The following TAF3 variants were observed in gnomAD, a reference collection of about 807,000 sequenced individuals.
TAF3 encodes the protein TATA-box binding protein associated factor 3, also known as transcription initiation factor TFIID subunit 3.
A neutral mutation model predicts 80.6 loss-of-function variants in TAF3; 7 were observed. That is an observed-to-expected ratio of 0.09 (90% CI 0.05 to 0.16). The LOEUF (loss-of-function observed/expected upper bound fraction) is 0.16, where lower values mean the gene tolerates loss of function less well. Among genes scored for constraint, TAF3 ranks in the 10% least tolerant of loss-of-function variants. TAF3 has a pLI of 1.00. For missense variants in TAF3, 921 were observed against 1,140.2 expected, an observed-to-expected ratio of 0.81 and a Z score of 2.77; for synonymous variants, 444 against 446.1, an observed-to-expected ratio of 1.00 and a Z score of 0.06.
chr10:7,967,805 T>G (rs1236869708), intron 3 of TAF3, among the ~76,000 whole-genome samples: 1 of 152,188 alleles, frequency 6.6e-6, no homozygotes, highest in Non-Finnish European at 1.5e-5. Context: ...TGCTGCTCCA[T>G]TGGACCATAT....
rs752982972 is a variant in TAF3, at chr10:8,013,816, A to G, written c.2654A>G (p.Asp885Gly). 6.2e-6 allele frequency: 10 copies of G among 1,614,002 alleles called. No homozygotes were observed. In the African/African-American group the frequency reaches 1.3e-4, roughly 22 times the overall value. The change falls in exon 6 of 7, where the codon GAC becomes GGC. Residue 885 changes from aspartate to glycine, a missense_variant. Asp to Gly is a moderately conservative substitution (Grantham distance 94, BLOSUM62 -1). This residue lies in a region of TAF3 where 5 missense variants were observed against 44.3 expected (regional missense o/e 0.11). Coordinates refer to ENST00000344293, the MANE Select transcript of TAF3 (RefSeq NM_031923.4). The part of the protein sequence containing the change: ...DDGSPMIGCD[D>G]CDDWYHWPCV... Reference sequence around the variant, plus strand: ...GGGAGTCCCATGATTGGGTGTGACGACTGCGATGACTGGTACCACTGGTGA... The same window carrying G: ...GGGAGTCCCATGATTGGGTGTGACGGCTGCGATGACTGGTACCACTGGTGA...
At chr10:7,835,744 T>C (rs988830032) in intron 2 of TAF3, among the ~76,000 whole-genome samples, 1 of 152,210 alleles carries the variant, frequency 6.6e-6, no homozygotes, top group Non-Finnish European at 1.5e-5. Flanking sequence ...TTTTGGGGTT[T>C]TCCTGTTTCA....
intron 4 of TAF3, among the ~76,000 whole-genome samples, chr10:7,984,166 G>T (rs1312572786): frequency 6.6e-6 from 1 of 151,898 alleles, no homozygotes; most frequent in African/African-American, 2.4e-5. Flanking sequence ...AGGAGTTTTT[G>T]ACTTCCTTAT....
intron 3 of TAF3, among the ~76,000 whole-genome samples, chr10:7,974,596 G>A (rs1831652568): frequency 6.6e-6 from 1 of 152,156 alleles, no homozygotes; most frequent in Non-Finnish European, 1.5e-5. Flanking sequence ...TTGTAAAGGA[G>A]AAGGAAGGAG....
At chr10:7,860,228 C>T (rs905380219) in intron 2 of TAF3, among the ~76,000 whole-genome samples, 5 of 149,818 alleles carry the variant, frequency 3.3e-5, no homozygotes, top group African/African-American at 1.2e-4. Flanking sequence ...GCCAAGATCA[C>T]ACCACTGCAC....
chr10:7,880,342 G>A (rs1411713129), intron 2 of TAF3, among the ~76,000 whole-genome samples: 5 of 152,196 alleles, frequency 3.3e-5, no homozygotes, highest in Admixed American at 2.6e-4. Context: ...TTGCACATCT[G>A]AAAACAAAAA....
intron 3 of TAF3, among the ~76,000 whole-genome samples, chr10:7,970,544 G>C (rs780279180): frequency 2.6e-5 from 4 of 152,204 alleles, no homozygotes; most frequent in African/African-American, 9.6e-5. Flanking sequence ...GGTGACCTAA[G>C]TGACAAATGC....
intron 4 of TAF3, among the ~76,000 whole-genome samples, chr10:7,992,502 T>TTTTCCCCTAAGAAATTTCCGTAG (rs1467044894): frequency 6.7e-6 from 1 of 148,832 alleles, no homozygotes; most frequent in South Asian, 2.2e-4. Flanking sequence ...TTCAAGGTGA[T>TTTTCCCCTAAGAAATTTCCGTAG]TACTCCCAAC....
At chr10:7,968,682 AG>A (rs1267972996) in intron 3 of TAF3, among the ~76,000 whole-genome samples, 2 of 152,220 alleles carry the variant, frequency 1.3e-5, no homozygotes, top group Non-Finnish European at 2.9e-5. Context: ...TGAGAAACTA[AG>A]GCTTAGAGAG....
chr10:7,976,989 C>G (rs905595457), intron 3 of TAF3, among the ~76,000 whole-genome samples: 1 of 151,976 alleles, frequency 6.6e-6, no homozygotes, highest in Non-Finnish European at 1.5e-5. Context: ...TAATTAAGTC[C>G]AAAAGTTAAC....
intron 2 of TAF3, among the ~76,000 whole-genome samples, chr10:7,932,250 G>T (rs1365186995): frequency 1.3e-5 from 2 of 152,154 alleles, no homozygotes; most frequent in East Asian, 3.9e-4. Context: ...GCACTAAAGG[G>T]TAGTGTCAGT....
chr10:7,937,918 AC>A (rs1837936832), intron 2 of TAF3, among the ~76,000 whole-genome samples: 5 of 152,104 alleles, frequency 3.3e-5, no homozygotes, highest in Admixed American at 3.3e-4. Flanking sequence ...AAGGAACAGA[AC>A]CCGCTTTTAA....
chr10:7,856,370 C>T (rs949832326), intron 2 of TAF3, among the ~76,000 whole-genome samples: 1 of 152,008 alleles, frequency 6.6e-6, no homozygotes, highest in African/African-American at 2.4e-5. Context: ...ATCCCAGCTA[C>T]TCGGGAGGCC....
At chr10:7,862,011 A>T (rs1442721160) in intron 2 of TAF3, among the ~76,000 whole-genome samples, 1 of 151,962 alleles carries the variant, frequency 6.6e-6, no homozygotes, top group East Asian at 1.9e-4. Flanking sequence ...CGTTCTTCCA[A>T]TTTGATAATT....
At chr10:7,973,141 G>C (rs1831636852) in intron 3 of TAF3, among the ~76,000 whole-genome samples, 1 of 152,148 alleles carries the variant, frequency 6.6e-6, no homozygotes, top group Non-Finnish European at 1.5e-5. Flanking sequence ...CTACCCTATA[G>C]AGTTGTGAAG....
At chr10:7,961,370 A>G (rs1887582) in intron 2 of TAF3, among the ~76,000 whole-genome samples, 27,297 of 152,102 alleles carry the variant, frequency 0.18, 2,675 homozygotes, top group East Asian at 0.29. Context: ...GCATCATCTC[A>G]CGCGTTCTCC....
At chr10:7,880,555 ACT>A (rs1413537871) in intron 2 of TAF3, among the ~76,000 whole-genome samples, 1 of 151,970 alleles carries the variant, frequency 6.6e-6, no homozygotes, top group Non-Finnish European at 1.5e-5. Context: ...AGACTACCCC[ACT>A]CTCTGCCTGT....
rs1831560850 is a variant in TAF3, at chr10:7,965,466, C to G, written c.1956C>G (p.Pro652=). The G allele has an allele frequency of 1.2e-6, 2 of 1,612,720 alleles. No individual in the cohort carries two copies. Among genetic ancestry groups the G allele is most frequent in the East Asian group, 2.2e-5 (1 of 44,850 alleles). ...GREDKMKAPA[P]PLVLPPKELA... The stretch of plus-strand genomic sequence containing the variant: ...AAGATAAGATGAAAGCCCCAGCACC[C>G]CCACTGGTGTTGCCCCCAAAAGAGT... Residue 652 remains proline, a synonymous_variant, in exon 3 of 7, where the codon CCC becomes CCG. Coordinates refer to ENST00000344293, the MANE Select transcript of TAF3 (RefSeq NM_031923.4).
chr10:7,912,946 T>G (rs1837671199), intron 2 of TAF3, among the ~76,000 whole-genome samples: 1 of 152,180 alleles, frequency 6.6e-6, no homozygotes, highest in South Asian at 2.1e-4. Context: ...CTGGGTGGCT[T>G]AAGCAACAGC....
Sources: allele counts gnomAD v4.1 joint callset (sites outside exome capture counted in the v4.1 genomes callset), GRCh38; gene constraint gnomAD v4.1.1; regional missense constraint gnomAD v4.1.1; transcripts MANE v1.5; gene names NCBI Gene and HGNC (gene_info 2026-07-23, HGNC 2026-07-21).